Variants in ANKRD28 observed in about 807,000 individuals in gnomAD.
ANKRD28 encodes ankyrin repeat domain 28, also known as serine/threonine-protein phosphatase 6 regulatory ankyrin repeat subunit A.
ANKRD28 carries 44 observed loss-of-function variants against 126.5 expected under a neutral mutation model. That is an observed-to-expected ratio of 0.35 (90% CI 0.27 to 0.45). The LOEUF (loss-of-function observed/expected upper bound fraction) is 0.45. Among genes scored for constraint, ANKRD28 ranks in the 20% least tolerant of loss-of-function variants. ANKRD28 has a pLI of 1.00. For synonymous variants in ANKRD28, 442 were observed against 468.5 expected, an observed-to-expected ratio of 0.94 and a Z score of 0.73; for missense variants, 1,110 against 1,316.6, an observed-to-expected ratio of 0.84 and a Z score of 2.43.
At position 15,685,276 on chromosome 3, in the gene ANKRD28, G is replaced by A. The variant is rs1251150317; in HGVS notation, c.2339C>T (p.Ala780Val). 1.2e-6 allele frequency: 2 copies of A among 1,613,970 alleles called. No individual in the cohort carries two copies. Among genetic ancestry groups the A allele is most frequent in the Admixed American group, 3.3e-5 (2 of 60,014 alleles). Residue 780 changes from alanine (A) to valine (V), a missense_variant, in exon 21 of 28, where the codon GCC (alanine) becomes GTC (valine). Ala to Val is a moderately conservative substitution (Grantham distance 64). Transcript: ENST00000683139. ...CGTATATCCATGATTGTCTGCTGTG[G>A]CTGGATTTGCATCCATAGATGCTGC... ...QSAASMDANP[A>V]TADNHGYTAL...
intron 2 of ANKRD28, among the ~76,000 whole-genome samples, chr3:15,778,561 TC>T (rs949207744): frequency 2.0e-5 from 3 of 152,166 alleles, no homozygotes; most frequent in African/African-American, 7.2e-5. Context: ...ACCATATGGC[TC>T]CCTCCATCTT....
chr3:15,740,409 T>C (rs1003026780), intron 4 of ANKRD28, among the ~76,000 whole-genome samples: 3 of 152,224 alleles, frequency 2.0e-5, no homozygotes, highest in Non-Finnish European at 4.4e-5. Flanking sequence ...AAAGAATACA[T>C]ATATGAATAC....
intron 1 of ANKRD28, among the ~76,000 whole-genome samples, chr3:15,850,240 G>T (rs1164751604): frequency 2.2e-4 from 28 of 125,322 alleles, no homozygotes; most frequent in African/African-American, 6.5e-4. Context: ...GAGAGAGAGA[G>T]AGAGAGAGAG....
At chr3:15,680,833 A>C (rs992909978) in intron 21 of ANKRD28, among the ~76,000 whole-genome samples, 3 of 151,940 alleles carry the variant, frequency 2.0e-5, no homozygotes, top group African/African-American at 7.3e-5. Flanking sequence ...CACCTGGCTA[A>C]TTTTTTGATA....
At chr3:15,704,666 A>G (rs916386222) in intron 14 of ANKRD28, among the ~76,000 whole-genome samples, 3 of 152,176 alleles carry the variant, frequency 2.0e-5, no homozygotes, top group Non-Finnish European at 4.4e-5. Context: ...TGGGAATACA[A>G]TTACAATTGG....
At chr3:15,741,065 G>A (rs1486102294) in intron 4 of ANKRD28, among the ~76,000 whole-genome samples, 1 of 152,138 alleles carries the variant, frequency 6.6e-6, no homozygotes, top group Non-Finnish European at 1.5e-5. Context: ...CAGGTGGGGG[G>A]GCGGGCGCCT....
intron 4 of ANKRD28, among the ~76,000 whole-genome samples, chr3:15,744,518 T>C (rs1166201331): frequency 1.4e-5 from 2 of 147,892 alleles, no homozygotes; most frequent in African/African-American, 2.5e-5. Context: ...GGTTTCACCA[T>C]GTTGGCCAGG....
At chr3:15,692,036 A>C (rs773018769) in intron 17 of ANKRD28, among the ~76,000 whole-genome samples, 5 of 151,194 alleles carry the variant, frequency 3.3e-5, no homozygotes, top group Non-Finnish European at 5.9e-5. Context: ...GCTATGCAGG[A>C]GGCTGAGGCG....
At chr3:15,730,399 G>T (rs1035278188) in intron 6 of ANKRD28, among the ~76,000 whole-genome samples, 2 of 152,180 alleles carry the variant, frequency 1.3e-5, no homozygotes, top group African/African-American at 4.8e-5. Context: ...AATAGCATAA[G>T]TATAAGAGGT....
intron 6 of ANKRD28, among the ~76,000 whole-genome samples, chr3:15,725,158 T>C (rs906130738): frequency 6.6e-6 from 1 of 152,150 alleles, no homozygotes; most frequent in African/African-American, 2.4e-5. Context: ...AAATTAAAAA[T>C]GCAGTACAAC....
At position 15,812,069 on chromosome 3, in the gene ANKRD28, C is replaced by T. The variant is rs2060724834; in HGVS notation, c.28-16763G>A. On this transcript the variant is annotated intron_variant, in intron 1 of 27. Transcript: ENST00000399451. This position sits in a 1 kb window ranked among gnomAD's most constrained non-coding sequence, Gnocchi z 4.1. ...TCAGGAGGCTGAGGTCGGAGAATCGCTTGAACCCAGGAGGCTGAGGTTGCA... is the reference window on the plus strand; with the variant it reads ...TCAGGAGGCTGAGGTCGGAGAATCGTTTGAACCCAGGAGGCTGAGGTTGCA... Among the ~76,000 whole-genome samples the T allele has an allele frequency of 1.3e-5, 2 of 151,966 alleles. No individual in the cohort carries two copies. Among genetic ancestry groups the T allele is most frequent in the South Asian group, 2.1e-4 (1 of 4,794 alleles).
At chr3:15,735,644 T>C (rs867637101) in intron 5 of ANKRD28, 147 bp from the exon 6 acceptor site, 2 of 601,410 alleles carry the variant, frequency 3.3e-6, no homozygotes, top group Non-Finnish European at 5.8e-6. Flanking sequence ...ATACTGAAGG[T>C]CATTTAACAT....
intron 1 of ANKRD28, among the ~76,000 whole-genome samples, chr3:15,803,670 A>AAAC (rs1209960528): frequency 2.0e-5 from 3 of 146,638 alleles, no homozygotes; most frequent in South Asian, 2.3e-4. Flanking sequence ...GGACATGTTA[A>AAAC]TAGACTGGCT....
chr3:15,745,425 C>G (rs1378022453), intron 4 of ANKRD28, among the ~76,000 whole-genome samples: 1 of 152,194 alleles, frequency 6.6e-6, no homozygotes, highest in Non-Finnish European at 1.5e-5. Flanking sequence ...TTTCCTTCTT[C>G]TAATGTGGCT....
At chr3:15,745,587 T>G (rs1157755979) in intron 4 of ANKRD28, among the ~76,000 whole-genome samples, 2 of 152,206 alleles carry the variant, frequency 1.3e-5, no homozygotes, top group Non-Finnish European at 2.9e-5. Context: ...TTTATACCAG[T>G]ACCATGCTGT....
chr3:15,788,441 G>A (rs908510588), intron 2 of ANKRD28, among the ~76,000 whole-genome samples: 6 of 152,180 alleles, frequency 3.9e-5, no homozygotes, highest in African/African-American at 1.4e-4. Context: ...CTGCTATACT[G>A]ATTCTGCAGA....
rs541101742 is a variant in ANKRD28 at position 15,713,584 on chromosome 3, C to T, written c.1133G>A (p.Arg378Gln). 3.8e-5 allele frequency: 62 copies of T among 1,610,938 alleles called. No individual in the cohort carries two copies. In the East Asian group the frequency reaches 6.7e-4, roughly 17 times the overall value. The change falls in exon 10 of 28, where the codon CGG becomes CAG. Residue 378 changes from arginine (R) to glutamine (Q), a missense_variant. Transcript: ENST00000683139. Reference protein sequence around the residue: ...NGNTPLHIAARYGHELLINTL... With the variant: ...NGNTPLHIAAQYGHELLINTL... ...GTTGATCAGCAGCTCATGGCCATAC[C>T]GTGCTGCTATGTGCAAAGGGGTATT...
chr3:15,714,905 AG>A (rs1307261109), intron 8 of ANKRD28, among the ~76,000 whole-genome samples: 2 of 152,172 alleles, frequency 1.3e-5, no homozygotes, highest in Non-Finnish European at 2.9e-5. Flanking sequence ...TGGGACAGTA[AG>A]GATGTGTCTC....
Position 15,797,131 on chromosome 3 carries a change from G to C in ANKRD28, c.-610C>G, listed in dbSNP as rs1449174298. 6.2e-5 allele frequency: 61 copies of C among 982,456 alleles called. No individual in the cohort carries two copies. The highest frequency in any genetic ancestry group is 7.1e-5 in the Non-Finnish European group (59 of 829,478). 60.9% of individuals were successfully genotyped at this position (982,456 alleles called of 1,614,324 possible). On this transcript the variant is annotated 5_prime_UTR_variant, in exon 1 of 28. Transcript: ENST00000683139. Reference sequence around the variant, plus strand: ...ACTATTCACAGAAAAAAGATCTAGAGCTCAGCACAAATCCTGAAAATGAAG... The same window carrying C: ...ACTATTCACAGAAAAAAGATCTAGACCTCAGCACAAATCCTGAAAATGAAG...
Sources: gnomAD v4.1 joint callset for allele counts (sites outside exome capture counted in the v4.1 genomes callset) on GRCh38, gnomAD v4.1.1 for gene constraint, Gnocchi (gnomAD v3.1) non-coding constraint, MANE v1.5 for transcripts, NCBI Gene and HGNC (gene_info 2026-07-23, HGNC 2026-07-21) for gene names.